The following RANBP3 variants were observed in gnomAD, a reference collection of about 807,000 sequenced individuals.
The protein encoded by RANBP3 is RAN binding protein 3.
RANBP3 carries 14 observed loss-of-function variants against 77.3 expected under a neutral mutation model. The ratio of observed to expected loss-of-function variants is 0.18; its 90% CI spans 0.12 to 0.28. The LOEUF is 0.28. Ranked by LOEUF, RANBP3 falls within the 10% of genes least tolerant of loss-of-function variation. RANBP3 has a pLI of 1.00. For synonymous variants in RANBP3, 315 were observed against 312.4 expected (o/e 1.01, Z -0.09); for missense variants, 586 against 752.3 (o/e 0.78, Z 2.59).
In RANBP3 at chr19:5,941,496, G is replaced by A. The variant is rs2058136226; in HGVS notation, c.406+125C>T. Reference sequence around the variant, plus strand: ...TCACCTCACTCCTGACAGAGCCCGAGCCTCAGATCGACTCTAACCGGAGCT... The same window carrying A: ...TCACCTCACTCCTGACAGAGCCCGAACCTCAGATCGACTCTAACCGGAGCT... On this transcript the variant is annotated intron_variant, in intron 5 of 16. Transcript: ENST00000340578. The A allele has an allele frequency of 2.4e-6, 2 of 834,002 alleles. 1 individual carries two copies. The highest frequency in any genetic ancestry group is 4.6e-5 in the Admixed American group (2 of 43,238). The allele number at this position is 834,002 out of a possible 1,614,324, so 51.7% of individuals were successfully genotyped here.
intron 13 of RANBP3, among the ~76,000 whole-genome samples, chr19:5,922,876 G>A (rs2057843304): frequency 6.6e-6 from 1 of 152,224 alleles, no homozygotes. Flanking sequence ...GGAAGCAGAG[G>A]TTGCAGTGAG....
chr19:5,932,404 G>C (rs373929420), intron 7 of RANBP3, 48 bp downstream of exon 7: 1 of 1,529,338 alleles, frequency 6.5e-7, no homozygotes, highest in Admixed American at 1.7e-5. Context: ...CTTCGGGAAC[G>C]CTCTACCCTG....
intron 1 of RANBP3, among the ~76,000 whole-genome samples, chr19:5,962,072 G>C (rs2058410433): frequency 6.6e-6 from 1 of 152,026 alleles, no homozygotes; most frequent in Non-Finnish European, 1.5e-5. Flanking sequence ...CCTGCCACGG[G>C]GCACGCGGAG....
intron 3 of RANBP3, among the ~76,000 whole-genome samples, chr19:5,948,021 C>G (rs1267223640): frequency 6.6e-6 from 1 of 152,086 alleles, no homozygotes. Context: ...GGTGCCAAGG[C>G]GGCCCAGGGA....
At position 5,957,973 on chromosome 19, in the gene RANBP3, T is replaced by C; in HGVS notation, c.23A>G (p.Glu8Gly). MADLANE[E>G]KPAIAPPVFV... is the part of the protein sequence containing the mutation. ...GACGGGCGGAGCAATGGCAGGCTTTTCTGCAAAAAGAAAAATTAGTTTTTT... is the reference window on the plus strand; with the variant it reads ...GACGGGCGGAGCAATGGCAGGCTTTCCTGCAAAAAGAAAAATTAGTTTTTT... Residue 8 changes from glutamate (E) to glycine (G), a missense_variant and splice_region_variant, in exon 2 of 17, where the codon GAA becomes GGA. By Grantham distance (98) the Glu-to-Gly change is moderately conservative (BLOSUM62 -2). Transcript: ENST00000340578. 6.2e-7 allele frequency: 1 copy of C among 1,614,198 alleles called. No individual in the cohort carries two copies. Among genetic ancestry groups the C allele is most frequent in the South Asian group, 1.1e-5 (1 of 91,078 alleles).
intron 1 of RANBP3, among the ~76,000 whole-genome samples, chr19:5,975,776 T>A (rs2058583332): frequency 6.6e-6 from 1 of 150,780 alleles, no homozygotes; most frequent in Non-Finnish European, 1.5e-5. Context: ...CATATATGAG[T>A]AAAAACCAGA....
chr19:5,954,787 G>A (rs184392970), intron 2 of RANBP3, among the ~76,000 whole-genome samples: 2 of 152,276 alleles, frequency 1.3e-5, no homozygotes, highest in East Asian at 3.9e-4. Flanking sequence ...GACACACACT[G>A]CAGCTGCTCC....
At chr19:5,932,260 C>T (rs1426719829) in intron 7 of RANBP3, among the ~76,000 whole-genome samples, 192 bp downstream of exon 7, 5 of 152,206 alleles carry the variant, frequency 3.3e-5, no homozygotes, top group East Asian at 1.9e-4. Flanking sequence ...CTCCCTTCTC[C>T]GTTGCCAGGG....
In RANBP3 at chr19:5,941,904, C is replaced by A. The variant is rs1244362643; in HGVS notation, c.283-69G>T. On this transcript the variant is annotated intron_variant, in intron 3 of 16. Coordinates refer to ENST00000340578, the MANE Select transcript of RANBP3 (RefSeq NM_007322.3). ...CACGGCAGCCGAGCAACTCTCGGGG[C>A]CGTAACAAATATCCCAACATGCACC... 1.9e-6 allele frequency: 3 copies of A among 1,573,770 alleles called. No individual in the cohort carries two copies. In the African/African-American group the frequency reaches 4.1e-5, roughly 21 times the overall value.
chr19:5,921,944 G>A lies in RANBP3; in HGVS notation c.1210-623C>T, dbSNP rs1002523771. On this transcript the variant is annotated intron_variant, in intron 13 of 16. Coordinates refer to ENST00000340578, the MANE Select transcript of RANBP3 (RefSeq NM_007322.3). The surrounding 1 kb of genome is among the most constrained non-coding windows in gnomAD (Gnocchi z 5.3). ...TGGCTCAGCGAGAGAAGCCAGACAC[G>A]AAAGGCCACATAGTGCGTTGATGCC... 4.6e-5 allele frequency among the ~76,000 whole-genome samples: 7 copies of A among 152,182 alleles called. No homozygotes were observed. Among genetic ancestry groups the A allele is most frequent in the Admixed American group, 2.0e-4 (3 of 15,276 alleles).
chr19:5,944,218 T>A (rs2058174687), intron 3 of RANBP3, among the ~76,000 whole-genome samples: 1 of 152,118 alleles, frequency 6.6e-6, no homozygotes, highest in Admixed American at 6.5e-5. Flanking sequence ...GCTTTAGAGC[T>A]CAAGGCAGGC....
Position 5,924,862 on chromosome 19 carries a change from A to G in RANBP3, c.961T>C (p.Phe321Leu). The change falls in exon 11 of 17, where the codon TTT (phenylalanine) becomes CTT (leucine). Residue 321 changes from phenylalanine (F) to leucine (L), a missense_variant. Transcript: ENST00000340578. The surrounding 1 kb of genome is among the most constrained non-coding windows in gnomAD (Gnocchi z 4.7). Reference sequence around the variant, plus strand: ...TCGCTCATGTTCTGGCCAAATACAAATTTGTTGCTGGAGGCGTCGGCACTA... The same window carrying G: ...TCGCTCATGTTCTGGCCAAATACAAGTTTGTTGCTGGAGGCGTCGGCACTA... ...TNSADASSNK[F>L]VFGQNMSERV... The G allele has an allele frequency of 6.2e-7, 1 of 1,614,150 alleles. No homozygotes were observed. Among genetic ancestry groups the G allele is most frequent in the Non-Finnish European group, 8.5e-7 (1 of 1,179,984 alleles).
chr19:5,933,592 G>A, intron 5 of RANBP3, 113 bp from the exon 6 acceptor site: 1 of 683,058 alleles, frequency 1.5e-6, no homozygotes, highest in Non-Finnish European at 2.4e-6. Flanking sequence ...CGGGCCTGGA[G>A]AACCAGGGAG....
chr19:5,970,528 C>T (rs1281106143), intron 1 of RANBP3, among the ~76,000 whole-genome samples: 1 of 152,110 alleles, frequency 6.6e-6, no homozygotes, highest in Non-Finnish European at 1.5e-5. Context: ...TTTATCTTCT[C>T]ATGACTGGGA....
intron 8 of RANBP3, 64 bp from the exon 9 acceptor site, chr19:5,928,151 C>A: frequency 1.3e-6 from 2 of 1,553,580 alleles, no homozygotes; most frequent in Admixed American, 3.8e-5. Context: ...CAGACGGATG[C>A]CCAGCAATCC....
chr19:5,958,495 G>C lies in RANBP3; in HGVS notation c.23-522C>G, dbSNP rs2058362261. ...GCTGGTTGGGAGGAAAGGATGTCTG[G>C]AGTTGCTAGAGGCCTGAGAGTCCAT... On this transcript the variant is annotated intron_variant, in intron 1 of 16. Coordinates refer to ENST00000340578, the MANE Select transcript of RANBP3 (RefSeq NM_007322.3). This position sits in a 1 kb window ranked among gnomAD's most constrained non-coding sequence, Gnocchi z 4.4. Among the ~76,000 whole-genome samples, 1 of 152,244 alleles carries C rather than the reference G, an allele frequency of 6.6e-6. No individual in the cohort carries two copies. Among genetic ancestry groups the C allele is most frequent in the Non-Finnish European group, 1.5e-5 (1 of 68,040 alleles).
chr19:5,934,895 C>CT (rs970524924), intron 5 of RANBP3, among the ~76,000 whole-genome samples: 15 of 152,278 alleles, frequency 9.9e-5, no homozygotes, highest in Admixed American at 7.2e-4. Context: ...AAAACACCCC[C>CT]TCATGCTGTC....
intron 14 of RANBP3, chr19:5,920,826 G>A (rs2057808188): frequency 6.1e-6 from 1 of 164,610 alleles, no homozygotes; most frequent in South Asian, 1.5e-4. Flanking sequence ...GGGGTTACAG[G>A]CGTGAGCCAC....
intron 1 of RANBP3, among the ~76,000 whole-genome samples, chr19:5,965,232 C>G (rs925332290): frequency 6.6e-6 from 1 of 151,960 alleles, no homozygotes; most frequent in Non-Finnish European, 1.5e-5. Flanking sequence ...CCATAAAACC[C>G]TCACCCTGAA....
Sources: allele counts gnomAD v4.1 joint callset (sites outside exome capture counted in the v4.1 genomes callset), GRCh38; gene constraint gnomAD v4.1.1; non-coding constraint Gnocchi (gnomAD v3.1); transcripts MANE v1.5; gene names NCBI Gene and HGNC (gene_info 2026-07-23, HGNC 2026-07-21).